Variants in TOX observed in about 807,000 individuals in gnomAD.
TOX encodes the protein thymocyte selection-associated high mobility group box protein TOX.
In TOX, 11 loss-of-function variants were observed where a neutral mutation model predicts 53.7. The observed-to-expected ratio is 0.20, with a 90% CI of 0.13 to 0.34. The LOEUF is 0.34. Ranked by LOEUF, TOX falls within the 10% of genes least tolerant of loss-of-function variation. TOX has a pLI of 1.00. For synonymous variants in TOX, 225 were observed against 245.3 expected (o/e 0.92, Z 0.77); for missense variants, 570 against 664.6 (o/e 0.86, Z 1.56).
intron 2 of TOX, among the ~76,000 whole-genome samples, chr8:58,946,356 G>A (rs955506717): frequency 6.6e-6 from 1 of 152,098 alleles, no homozygotes; most frequent in African/African-American, 2.4e-5. Flanking sequence ...AGTTTAAATT[G>A]TGTCAATATA....
chr8:58,877,462 A>G (rs935464114), intron 3 of TOX, among the ~76,000 whole-genome samples: 11 of 152,368 alleles, frequency 7.2e-5, no homozygotes, highest in Non-Finnish European at 1.5e-4. Context: ...GAATTGGCAC[A>G]CTTGACTTAG....
intron 3 of TOX, among the ~76,000 whole-genome samples, chr8:58,907,370 G>C (rs1811833635): frequency 6.6e-6 from 1 of 151,452 alleles, no homozygotes; most frequent in African/African-American, 2.4e-5. Context: ...GATTCAGGCA[G>C]ACCACCTGAG....
chr8:58,844,042 C>T (rs1321200863), intron 4 of TOX, among the ~76,000 whole-genome samples: 1 of 152,072 alleles, frequency 6.6e-6, no homozygotes, highest in Non-Finnish European at 1.5e-5. Flanking sequence ...ATAATCTGTC[C>T]CTGGACCTTA....
At chr8:58,862,145 A>C (rs530797461) in intron 3 of TOX, among the ~76,000 whole-genome samples, 8 of 152,276 alleles carry the variant, frequency 5.3e-5, no homozygotes, top group Admixed American at 2.0e-4. Context: ...AAGACAGGAA[A>C]AGGCTGGAAA....
chr8:58,810,043 T>C (rs944990925), intron 7 of TOX, among the ~76,000 whole-genome samples: 2 of 152,190 alleles, frequency 1.3e-5, no homozygotes, highest in African/African-American at 4.8e-5. Flanking sequence ...TGGAGTGCAG[T>C]GGCATGATCA....
chr8:58,851,674 G>T lies in TOX; in HGVS notation c.543C>A (p.Thr181=). 1 of 1,613,768 alleles carries T rather than the reference G, an allele frequency of 6.2e-7. No homozygotes were observed. Among genetic ancestry groups the T allele is most frequent in the Non-Finnish European group, 8.5e-7 (1 of 1,179,862 alleles). ...GAGCACTTAGCTGTGACTGGTTAATGGTAGTCAGCTGGCCATGTGGCATCA... is the reference window on the plus strand; with the variant it reads ...GAGCACTTAGCTGTGACTGGTTAATTGTAGTCAGCTGGCCATGTGGCATCA... ...PGMMPHGQLT[T]INQSQLSAQL... Residue 181 remains threonine (T), a synonymous_variant, in exon 4 of 9, where the codon ACC becomes ACA. Coordinates refer to ENST00000361421, the MANE Select transcript of TOX (RefSeq NM_014729.3). This position sits in a 1 kb window ranked among gnomAD's most constrained non-coding sequence, Gnocchi z 4.4.
At chr8:59,056,178 C>A (rs2129421616) in intron 1 of TOX, among the ~76,000 whole-genome samples, 2 of 152,100 alleles carry the variant, frequency 1.3e-5, no homozygotes, top group African/African-American at 4.8e-5. Flanking sequence ...ATAATCCCAG[C>A]ACTTTGGGAG....
rs983457554 is a variant in TOX at position 59,117,899 on chromosome 8, G to A, written c.102+987C>T. 3.9e-5 allele frequency among the ~76,000 whole-genome samples: 6 copies of A among 152,246 alleles called. No homozygotes were observed. The highest frequency in any genetic ancestry group is 1.4e-4 in the African/African-American group (6 of 41,474). ...GTCCAACTAGCCCTAGGCGTGGGCA[G>A]TCGTGCCCCTGCGACCACTCTGGGG... On this transcript the variant is annotated intron_variant, in intron 1 of 8. Transcript: ENST00000361421. The surrounding 1 kb of genome is among the most constrained non-coding windows in gnomAD (Gnocchi z 4.6).
chr8:59,113,958 C>T (rs899689001), intron 1 of TOX, among the ~76,000 whole-genome samples: 26 of 152,146 alleles, frequency 1.7e-4, no homozygotes, highest in African/African-American at 6.0e-4. Flanking sequence ...CCACTACCTT[C>T]GTCATTTTCT....
chr8:58,970,316 G>A (rs1451985914), intron 1 of TOX, among the ~76,000 whole-genome samples: 1 of 152,086 alleles, frequency 6.6e-6, no homozygotes, highest in African/African-American at 2.4e-5. Context: ...CATATGACCA[G>A]ATAATCCCCA....
intron 3 of TOX, among the ~76,000 whole-genome samples, chr8:58,919,101 A>C (rs1406142675): frequency 6.6e-6 from 1 of 151,352 alleles, no homozygotes; most frequent in East Asian, 2.0e-4. Flanking sequence ...GGGTAGGAAG[A>C]ATCAATATTG....
In TOX at chr8:58,889,212, C is replaced by CA. The variant is rs10556451; in HGVS notation, c.412-37408dup. Among the ~76,000 whole-genome samples the CA allele has an allele frequency of 3.0e-3, 339 of 114,388 alleles. 2 individuals carry two copies. The highest frequency in any genetic ancestry group is 4.8e-3 in the Middle Eastern group (1 of 210). 75.0% of individuals were successfully genotyped at this position (114,388 alleles called of 152,430 possible). A position where few individuals can be genotyped will look rare whatever the true frequency, so the allele number is the denominator to read the frequency against. ...TTCATTGCAGCATTGTTTACAATAGCAAAAAAAAAAAAAAAAAAAACAAAA... is the reference window on the plus strand; with the variant it reads ...TTCATTGCAGCATTGTTTACAATAGCAAAAAAAAAAAAAAAAAAAAACAAAA... On this transcript the variant is annotated intron_variant, in intron 3 of 8. Transcript: ENST00000361421.
chr8:58,896,290 G>T (rs1045259678), intron 3 of TOX, among the ~76,000 whole-genome samples: 1 of 152,132 alleles, frequency 6.6e-6, no homozygotes, highest in African/African-American at 2.4e-5. Context: ...CAACATAAAA[G>T]GGGGATGGCT....
At chr8:59,015,867 G>C (rs1243939227) in intron 1 of TOX, among the ~76,000 whole-genome samples, 1 of 152,164 alleles carries the variant, frequency 6.6e-6, no homozygotes, top group Non-Finnish European at 1.5e-5. Flanking sequence ...AGCTTTAATG[G>C]TTAGTCATTT....
intron 1 of TOX, among the ~76,000 whole-genome samples, chr8:59,076,686 TATAA>T (rs999989634): frequency 2.6e-5 from 4 of 152,330 alleles, no homozygotes; most frequent in African/African-American, 7.2e-5. Context: ...TAGTTGTTGT[TATAA>T]ATAAATAATC....
At chr8:59,058,980 G>C (rs1458499837) in intron 1 of TOX, among the ~76,000 whole-genome samples, 1 of 152,226 alleles carries the variant, frequency 6.6e-6, no homozygotes, top group Non-Finnish European at 1.5e-5. Flanking sequence ...AGCCAAGTGA[G>C]ACTGCTGGTT....
intron 3 of TOX, among the ~76,000 whole-genome samples, chr8:58,938,616 A>T (rs1370890942): frequency 6.6e-6 from 1 of 152,212 alleles, no homozygotes; most frequent in African/African-American, 2.4e-5. Context: ...CAAGTATGGG[A>T]TGCTTGTAAA....
intron 1 of TOX, among the ~76,000 whole-genome samples, chr8:58,998,529 A>AATATAAATT (rs1242406325): frequency 2.5e-4 from 4 of 15,858 alleles, no homozygotes; most frequent in South Asian, 3.2e-3. Flanking sequence ...ATATATATAT[A>AATATAAATT]TATATATATA....
chr8:59,005,289 C>T (rs375197189), intron 1 of TOX, among the ~76,000 whole-genome samples: 18 of 152,162 alleles, frequency 1.2e-4, no homozygotes, highest in African/African-American at 2.9e-4. Flanking sequence ...CCACCTGCCT[C>T]GGCCTCCCAA....
Sources: gnomAD v4.1 joint callset for allele counts (sites outside exome capture counted in the v4.1 genomes callset) on GRCh38, gnomAD v4.1.1 for gene constraint, Gnocchi (gnomAD v3.1) non-coding constraint, MANE v1.5 for transcripts, NCBI Gene and HGNC (gene_info 2026-07-23, HGNC 2026-07-21) for gene names.